Variants in CFI observed in about 807,000 individuals in gnomAD.
The protein encoded by CFI is C3B/C4B inactivator.
In CFI, 66 loss-of-function variants were observed where a neutral mutation model predicts 78.8. The ratio of observed to expected loss-of-function variants is 0.84; its 90% confidence interval spans 0.69 to 1.03. The LOEUF (loss-of-function observed/expected upper bound fraction) is 1.03, where lower values mean the gene tolerates loss of function less well. CFI is among the 50% of genes least tolerant of loss of function. The pLI, the probability that CFI is intolerant of heterozygous loss-of-function variation, is 0.00. For synonymous variants in CFI, 250 were observed against 232.6 expected, an observed-to-expected ratio of 1.07 and a Z score of -0.68; for missense variants, 706 against 704.5, an observed-to-expected ratio of 1.00 and a Z score of -0.02.
chr4:109,773,417 G>A (rs1728832085), intron 1 of CFI, among the ~76,000 whole-genome samples: 1 of 152,140 alleles, frequency 6.6e-6, no homozygotes, highest in South Asian at 2.1e-4. Flanking sequence ...TCAGGAGGCT[G>A]AGGCAGGAGA....
chr4:109,777,917 A>T (rs2125838767), intron 1 of CFI, among the ~76,000 whole-genome samples: 1 of 152,304 alleles, frequency 6.6e-6, no homozygotes, highest in South Asian at 2.1e-4. Context: ...AGAAATAAAG[A>T]TGTTCTTTGA....
At chr4:109,748,665 C>T (rs905850564) in intron 10 of CFI, among the ~76,000 whole-genome samples, 1 of 152,082 alleles carries the variant, frequency 6.6e-6, no homozygotes, top group East Asian at 1.9e-4. Context: ...TAGCAGAAAG[C>T]AATCCAGAGT....
downstream of CFI, among the ~76,000 whole-genome samples, chr4:109,736,099 A>T (rs1022854154): frequency 6.6e-6 from 1 of 152,212 alleles, no homozygotes; most frequent in African/African-American, 2.4e-5. Flanking sequence ...ACTTAGATAA[A>T]ACAGAATGCT....
At chr4:109,796,977 A>C (rs774056949) in intron 1 of CFI, among the ~76,000 whole-genome samples, 27 of 152,258 alleles carry the variant, frequency 1.8e-4, no homozygotes, top group Non-Finnish European at 3.5e-4. Context: ...AAGAATTAAT[A>C]TTGTTAAATG....
chr4:109,741,267 T>C (rs1031379466), intron 12 of CFI, 157 bp from the exon 13 acceptor site: 82 of 985,314 alleles, frequency 8.3e-5, no homozygotes, highest in Admixed American at 1.8e-4. Flanking sequence ...GCTTGCAGAG[T>C]TGCAGAGATG....
At chr4:109,756,509 T>C (rs1403625750) in intron 7 of CFI, among the ~76,000 whole-genome samples, 2 of 151,616 alleles carry the variant, frequency 1.3e-5, no homozygotes, top group East Asian at 1.9e-4. Flanking sequence ...AGTGAGAGAA[T>C]GCAATGAAAT....
intron 7 of CFI, among the ~76,000 whole-genome samples, chr4:109,753,824 ATATATTATATAATGTATAAT>A (rs1725730327): frequency 1.9e-5 from 1 of 51,964 alleles, no homozygotes; most frequent in African/African-American, 8.0e-5. Flanking sequence ...ATTTTATATT[ATATATTATATAATGTATAAT>A]CTTATATTAT....
downstream of CFI, among the ~76,000 whole-genome samples, chr4:109,738,765 C>T (rs1561279110): frequency 6.6e-6 from 1 of 152,160 alleles, no homozygotes; most frequent in East Asian, 1.9e-4. Context: ...TCTAAGTCCG[C>T]CCAGCCCAGG....
chr4:109,772,535 A>G (rs1728729503), intron 1 of CFI, among the ~76,000 whole-genome samples: 2 of 151,684 alleles, frequency 1.3e-5, no homozygotes, highest in Non-Finnish European at 2.9e-5. Context: ...AACAACTACT[A>G]TTATGTGTGT....
At chr4:109,767,177 C>T (rs1727876439) in intron 1 of CFI, among the ~76,000 whole-genome samples, 1 of 152,022 alleles carries the variant, frequency 6.6e-6, no homozygotes, top group Admixed American at 6.6e-5. Context: ...CCATAAAAAC[C>T]CTAGAAGAAA....
chr4:109,774,327 G>T (rs923531603), intron 1 of CFI, among the ~76,000 whole-genome samples: 5 of 152,156 alleles, frequency 3.3e-5, no homozygotes, highest in African/African-American at 1.2e-4. Context: ...AGTGAGGGGA[G>T]AATTGCTGTT....
At chr4:109,773,406 C>T (rs2125830029) in intron 1 of CFI, among the ~76,000 whole-genome samples, 1 of 152,242 alleles carries the variant, frequency 6.6e-6, no homozygotes, top group East Asian at 1.9e-4. Context: ...ATCCCAGCTA[C>T]TCAGGAGGCT....
intron 2 of CFI, 33 bp downstream of exon 2, chr4:109,766,521 C>A: frequency 6.2e-7 from 1 of 1,610,908 alleles, no homozygotes; most frequent in East Asian, 2.2e-5. Flanking sequence ...CCTTTTATAT[C>A]ATAGAATGAC....
intron 9 of CFI, 71 bp from the exon 10 acceptor site, chr4:109,749,392 A>G: frequency 1.3e-6 from 2 of 1,502,870 alleles, no homozygotes; most frequent in East Asian, 2.3e-5. Flanking sequence ...AGATATTTCC[A>G]TGGCAAGACT....
the CFI span, among the ~76,000 whole-genome samples, chr4:109,732,320 G>C: frequency 6.6e-6 from 1 of 152,140 alleles, no homozygotes; most frequent in African/African-American, 2.4e-5. Flanking sequence ...TCTTTCCACT[G>C]TCTTCCCCAT....
At position 109,788,650 on chromosome 4, in the gene CFI, C is replaced by T. The variant is rs1731026593; in HGVS notation, c.57+13265G>A. On this transcript the variant is annotated intron_variant, in intron 1 of 12. Transcript: ENST00000394634. The stretch of plus-strand genomic sequence containing the variant: ...CACAGCACAGACACTTTTAAAACAC[C>T]CCCATATAAGAAAATTATTTTTAGT... 2.0e-5 allele frequency among the ~76,000 whole-genome samples: 3 copies of T among 151,348 alleles called. No homozygotes were observed. The South Asian group carries it at 6.3e-4, about 32-fold the overall frequency.
At chr4:109,761,754 A>C in intron 3 of CFI, 62 bp from the exon 4 acceptor site, 3 of 1,359,142 alleles carry the variant, frequency 2.2e-6, no homozygotes, top group Non-Finnish European at 3.1e-6. Flanking sequence ...TTATAACCCT[A>C]CTGTAGCAGG....
chr4:109,753,815 TTTTATATTATATATTATATAA>T (rs1725727090), intron 7 of CFI, among the ~76,000 whole-genome samples: 1 of 91,888 alleles, frequency 1.1e-5, no homozygotes, highest in Non-Finnish European at 2.0e-5. Flanking sequence ...TAATGTATAA[TTTTATATTATATATTATATAA>T]TGTATAATCT....
intron 3 of CFI, 62 bp downstream of exon 3, chr4:109,764,475 A>C: frequency 6.4e-7 from 1 of 1,573,654 alleles, no homozygotes; most frequent in Non-Finnish European, 8.7e-7. Flanking sequence ...AGGTTAGGTA[A>C]TCAAAAAGCA....
Sources: allele counts gnomAD v4.1 joint callset (sites outside exome capture counted in the v4.1 genomes callset), GRCh38; gene constraint gnomAD v4.1.1; transcripts MANE v1.5; gene names NCBI Gene and HGNC (gene_info 2026-07-23, HGNC 2026-07-21).